AXIN1: variants seen among roughly 807,000 people sequenced by gnomAD.
AXIN1 encodes the protein axin-1.
Under a neutral mutation model 76.4 loss-of-function variants are expected in AXIN1, and 30 were observed. The observed-to-expected ratio is 0.39, with a 90% CI of 0.29 to 0.53. AXIN1 has a LOEUF of 0.53. AXIN1 is among the 20% of genes least tolerant of loss of function. The pLI is 0.66. For synonymous variants in AXIN1, 545 were observed against 501.4 expected (o/e 1.09, Z -1.16); for missense variants, 1,140 against 1,198.8 (o/e 0.95, Z 0.72).
chr16:330,471 A>C (rs1369273413), intron 2 of AXIN1, among the ~76,000 whole-genome samples: 1 of 152,228 alleles, frequency 6.6e-6, no homozygotes. Context: ...TGCACCAAAG[A>C]ACTCACTAAT....
chr16:351,957 TCA>T (rs2054154484), intron 1 of AXIN1, among the ~76,000 whole-genome samples: 2 of 152,084 alleles, frequency 1.3e-5, no homozygotes, highest in Non-Finnish European at 2.9e-5. Flanking sequence ...CAGCAAGGCA[TCA>T]ACCTGGAGGG....
chr16:332,945 G>C (rs1458850803), intron 2 of AXIN1, among the ~76,000 whole-genome samples: 5 of 152,152 alleles, frequency 3.3e-5, no homozygotes, highest in African/African-American at 1.2e-4. Flanking sequence ...AACTCTCTGA[G>C]AGGCCAAAGT....
chr16:304,167 G>A, intron 5 of AXIN1, 137 bp downstream of exon 5: 3 of 1,424,658 alleles, frequency 2.1e-6, no homozygotes, highest in Non-Finnish European at 9.7e-7. Flanking sequence ...GGGAACAGGG[G>A]ACTCAGCCGG....
In AXIN1 at chr16:287,893, G is replaced by C. The variant is rs942824970; in HGVS notation, c.*229C>G. ...GCCTCACTTGGGCTGGGCCCTCCAA[G>C]TATTGCTATGAGGAGTGGTCCAGGC... On this transcript the variant is annotated 3_prime_UTR_variant, in exon 11 of 11. Transcript: ENST00000262320. The C allele has an allele frequency of 1.5e-6, 1 of 655,576 alleles. No homozygotes were observed. The highest frequency in any genetic ancestry group is 2.7e-5 in the Admixed American group (1 of 37,532). 40.6% of individuals were successfully genotyped at this position (655,576 alleles called of 1,614,324 possible).
chr16:289,095 T>G (rs1046301684), intron 10 of AXIN1, among the ~76,000 whole-genome samples: 46 of 151,232 alleles, frequency 3.0e-4, no homozygotes, highest in Middle Eastern at 3.4e-3. Flanking sequence ...TTTTTTTTTT[T>G]GGGCGGGGGT....
At chr16:326,836 C>T (rs12923240) in intron 2 of AXIN1, among the ~76,000 whole-genome samples, 21,669 of 151,726 alleles carry the variant, frequency 0.14, 1,774 homozygotes, top group South Asian at 0.25. Context: ...CTGCCTGAAG[C>T]GTCAGCCAAG....
chr16:342,311 G>A (rs2053942918), intron 2 of AXIN1, among the ~76,000 whole-genome samples: 1 of 152,126 alleles, frequency 6.6e-6, no homozygotes, highest in African/African-American at 2.4e-5. Flanking sequence ...CCGCCTTTAG[G>A]AACTGTAACA....
intron 2 of AXIN1, among the ~76,000 whole-genome samples, chr16:340,093 C>A (rs2053887189): frequency 6.6e-6 from 1 of 151,826 alleles, no homozygotes; most frequent in Non-Finnish European, 1.5e-5. Context: ...TAGGCCATTA[C>A]CAGAAACACA....
Position 298,238 on chromosome 16 carries a change from T to C in AXIN1, c.1268A>G (p.Glu423Gly), listed in dbSNP as rs2052773344. The C allele has an allele frequency of 6.5e-7, 1 of 1,539,436 alleles. No individual in the cohort carries two copies. Among genetic ancestry groups the C allele is most frequent in the Non-Finnish European group, 8.7e-7 (1 of 1,147,048 alleles). ...GGGCCCTGACGATGGATCGCCGTCC[T>C]CACCTTCCTCCTCCTGTGTGGGGAC... Reference protein sequence around the residue: ...LKRVRMEEEGEDGDPSSGPPG... With the variant: ...LKRVRMEEEGGDGDPSSGPPG... Residue 423 changes from glutamate (E) to glycine (G), a missense_variant, in exon 6 of 11, where the codon GAG becomes GGG. Physicochemically the swap from Glu to Gly is moderately conservative, Grantham distance 98. Coordinates refer to ENST00000262320, the MANE Select transcript of AXIN1 (RefSeq NM_003502.4).
In AXIN1 at chr16:291,622, C is replaced by G. The variant is rs373448039; in HGVS notation, c.2187-325G>C. ...CCCTCTGGTGGGATGACATCTCGTC[C>G]CGAGAGTCTGTCCTTCAGTCTCTTG... On this transcript the variant is annotated intron_variant, in intron 8 of 10. Coordinates refer to ENST00000262320, the MANE Select transcript of AXIN1 (RefSeq NM_003502.4). 10 of 434,776 alleles carry G rather than the reference C, an allele frequency of 2.3e-5. 1 individual carries two copies. The highest frequency in any genetic ancestry group is 2.1e-4 in the South Asian group (10 of 48,146). The allele number at this position is 434,776 out of a possible 1,614,324, so 26.9% of individuals were successfully genotyped here.
Position 297,973 on chromosome 16 carries a change from C to G in AXIN1, c.1533G>C (p.Ser511=). ...ACTTGGGTACGTGCTTCCCGTGCCC[C>G]GAGGCGGCACCCCCCAGTGCCACTG... The part of the protein sequence containing the change: ...KMPVALGGAA[S]GHGKHVPKSG... The change falls in exon 6 of 11, where the codon TCG becomes TCC. Residue 511 remains serine (S), a synonymous_variant. Transcript: ENST00000262320. 1 of 1,601,372 alleles carries G rather than the reference C, an allele frequency of 6.2e-7. No individual in the cohort carries two copies. The highest frequency in any genetic ancestry group is 1.3e-5 in the African/African-American group (1 of 74,952).
chr16:302,147 C>A (rs2052889996), intron 5 of AXIN1, among the ~76,000 whole-genome samples: 1 of 152,232 alleles, frequency 6.6e-6, no homozygotes, highest in Non-Finnish European at 1.5e-5. Context: ...CAAGGCGAGG[C>A]CTCACTCTCA....
At chr16:350,350 A>G (rs1268724979) in intron 1 of AXIN1, among the ~76,000 whole-genome samples, 1 of 152,244 alleles carries the variant, frequency 6.6e-6, no homozygotes, top group Non-Finnish European at 1.5e-5. Context: ...TACTCAGTTC[A>G]GTATCAAATG....
At chr16:333,215 C>A (rs2053729715) in intron 2 of AXIN1, among the ~76,000 whole-genome samples, 1 of 151,882 alleles carries the variant, frequency 6.6e-6, no homozygotes, top group African/African-American at 2.4e-5. Flanking sequence ...GCCTGTAATC[C>A]CAGCTACTCA....
chr16:344,945 G>A (rs2054004531), intron 2 of AXIN1, among the ~76,000 whole-genome samples: 1 of 152,178 alleles, frequency 6.6e-6, no homozygotes, highest in South Asian at 2.1e-4. Flanking sequence ...CCAGCACATG[G>A]GGCTGTGCTT....
intron 1 of AXIN1, among the ~76,000 whole-genome samples, chr16:351,086 C>T (rs1352576325): frequency 2.1e-5 from 3 of 145,026 alleles, no homozygotes; most frequent in African/African-American, 7.7e-5. Flanking sequence ...GAGCGGAGAT[C>T]ACGCCATTGG....
chr16:315,542 G>C (rs2053280062), intron 2 of AXIN1, among the ~76,000 whole-genome samples: 1 of 152,162 alleles, frequency 6.6e-6, no homozygotes, highest in Non-Finnish European at 1.5e-5. Context: ...TATGAAATCA[G>C]ACAGGCCGGG....
intron 5 of AXIN1, among the ~76,000 whole-genome samples, chr16:298,700 C>T (rs1377196481): frequency 6.6e-6 from 1 of 151,634 alleles, no homozygotes; most frequent in South Asian, 2.1e-4. Flanking sequence ...GGGACAGATG[C>T]GATTCTCACC....
At chr16:306,273 A>C (rs1233959611) in intron 4 of AXIN1, among the ~76,000 whole-genome samples, 2 of 152,208 alleles carry the variant, frequency 1.3e-5, no homozygotes, top group Non-Finnish European at 2.9e-5. Context: ...ACAAATATGG[A>C]TGGTTAAAAA....
Sources: allele counts gnomAD v4.1 joint callset (sites outside exome capture counted in the v4.1 genomes callset), GRCh38; gene constraint gnomAD v4.1.1; transcripts MANE v1.5; gene names NCBI Gene and HGNC (gene_info 2026-07-23, HGNC 2026-07-21).